Variants in XPO6 observed in about 807,000 individuals in gnomAD.
XPO6 encodes the protein exportin 6, also known as exportin-6.
A neutral mutation model predicts 130.0 loss-of-function variants in XPO6; 3 were observed. The ratio of observed to expected loss-of-function variants is 0.02; its 90% CI spans 0.01 to 0.06. The LOEUF (loss-of-function observed/expected upper bound fraction) is 0.06, where lower values mean the gene tolerates loss of function less well. XPO6 is among the 10% of genes least tolerant of loss of function. The pLI is 1.00. For missense variants in XPO6, 970 were observed against 1,393.0 expected, an observed-to-expected ratio of 0.70 and a Z score of 4.83; for synonymous variants, 524 against 548.9, an observed-to-expected ratio of 0.95 and a Z score of 0.63.
At chr16:28,177,850 G>T (rs866090117) in intron 2 of XPO6, among the ~76,000 whole-genome samples, 1 of 152,136 alleles carries the variant, frequency 6.6e-6, no homozygotes, top group African/African-American at 2.4e-5. Flanking sequence ...AATTCAAAAC[G>T]GCTAACTCTT....
chr16:28,194,006 G>A (rs933232870), intron 1 of XPO6, among the ~76,000 whole-genome samples: 1 of 152,050 alleles, frequency 6.6e-6, no homozygotes, highest in African/African-American at 2.4e-5. Context: ...AGGGCAGGTC[G>A]CATCTAATGA....
intron 1 of XPO6, among the ~76,000 whole-genome samples, chr16:28,203,791 T>C (rs969094306): frequency 2.9e-4 from 44 of 152,210 alleles, no homozygotes; most frequent in African/African-American, 1.1e-3. Context: ...TCTCAACCAC[T>C]AATTACACAT....
chr16:28,103,619 C>T (rs752730929), intron 21 of XPO6, among the ~76,000 whole-genome samples: 9 of 152,184 alleles, frequency 5.9e-5, no homozygotes, highest in Admixed American at 3.9e-4. Context: ...CAGGCACCAG[C>T]GTGCCAAAGA....
intron 6 of XPO6, among the ~76,000 whole-genome samples, chr16:28,159,390 G>A (rs532963518): frequency 3.3e-4 from 51 of 152,282 alleles, no homozygotes; most frequent in African/African-American, 1.2e-3. Context: ...AGGAAGCAGT[G>A]TAGGCAGAAA....
At chr16:28,181,315 A>C (rs2043610493) in intron 1 of XPO6, among the ~76,000 whole-genome samples, 1 of 152,244 alleles carries the variant, frequency 6.6e-6, no homozygotes, top group Non-Finnish European at 1.5e-5. Flanking sequence ...CAACTCTGGA[A>C]TAATGATTGA....
At chr16:28,107,799 T>A in intron 17 of XPO6, 122 bp from the exon 18 acceptor site, 2 of 1,070,698 alleles carry the variant, frequency 1.9e-6, no homozygotes, top group Non-Finnish European at 2.7e-6. Context: ...CGAGTCTCAC[T>A]AAAGGAACAG....
intron 6 of XPO6, among the ~76,000 whole-genome samples, chr16:28,161,808 A>G (rs2043283111): frequency 6.6e-6 from 1 of 152,196 alleles, no homozygotes; most frequent in African/African-American, 2.4e-5. Context: ...GTAGAAATGA[A>G]ACCAAACCAG....
intron 14 of XPO6, among the ~76,000 whole-genome samples, chr16:28,119,753 G>A (rs2087179268): frequency 6.6e-6 from 1 of 152,194 alleles, no homozygotes; most frequent in Non-Finnish European, 1.5e-5. Context: ...TAAATTATGT[G>A]AGGGTTGATA....
intron 13 of XPO6, among the ~76,000 whole-genome samples, chr16:28,125,043 G>A (rs1248945699): frequency 1.3e-5 from 2 of 152,210 alleles, no homozygotes; most frequent in Non-Finnish European, 2.9e-5. Context: ...AGGGACTGCT[G>A]ACTGAGTAGA....
Position 28,149,732 on chromosome 16 carries a change from A to T in XPO6, c.1224+2927T>A, listed in dbSNP as rs2043052991. Reference sequence around the variant, plus strand: ...ACTCTATGATGTACACACAACGATGACATCACCTAACACATTCATCAGAAC... The same window carrying T: ...ACTCTATGATGTACACACAACGATGTCATCACCTAACACATTCATCAGAAC... On this transcript the variant is annotated intron_variant, in intron 8 of 23. Coordinates refer to ENST00000304658, the MANE Select transcript of XPO6 (RefSeq NM_015171.4). 3.9e-5 allele frequency among the ~76,000 whole-genome samples: 6 copies of T among 152,222 alleles called. No homozygotes were observed. The South Asian group carries it at 1.2e-3, about 31-fold the overall frequency.
At chr16:28,150,944 C>T (rs568535284) in intron 8 of XPO6, among the ~76,000 whole-genome samples, 6 of 152,062 alleles carry the variant, frequency 3.9e-5, no homozygotes, top group Admixed American at 6.5e-5. Flanking sequence ...ATGCTCTGCA[C>T]GCACTTGCCC....
At chr16:28,192,778 C>T (rs1274482203) in intron 1 of XPO6, among the ~76,000 whole-genome samples, 2 of 152,132 alleles carry the variant, frequency 1.3e-5, no homozygotes, top group African/African-American at 2.4e-5. Context: ...GTCAAAACCC[C>T]CCTGAATGTA....
intron 1 of XPO6, among the ~76,000 whole-genome samples, chr16:28,203,258 G>A (rs1180340183): frequency 6.6e-6 from 1 of 150,490 alleles, no homozygotes; most frequent in African/African-American, 2.4e-5. Flanking sequence ...CCTGGGCGAC[G>A]GAGTAAGACC....
intron 20 of XPO6, among the ~76,000 whole-genome samples, chr16:28,105,199 T>C (rs2086747192): frequency 6.6e-6 from 1 of 152,216 alleles, no homozygotes; most frequent in African/African-American, 2.4e-5. Context: ...AAAGCGATTC[T>C]GCTCCCCAGA....
Position 28,132,521 on chromosome 16 carries a change from T to C in XPO6, c.1537-118A>G. On this transcript the variant is annotated intron_variant, in intron 11 of 23. Coordinates refer to ENST00000304658, the MANE Select transcript of XPO6 (RefSeq NM_015171.4). This position sits in a 1 kb window ranked among gnomAD's most constrained non-coding sequence, Gnocchi z 4.0. ...GGTGTGAGGAACAGGATCAAAACCT[T>C]TTCTCTGGGAACCTTTAAATGCAGC... 1.5e-6 allele frequency: 1 copy of C among 663,634 alleles called. No individual in the cohort carries two copies. Among genetic ancestry groups the C allele is most frequent in the Non-Finnish European group, 2.5e-6 (1 of 401,766 alleles). 41.1% of individuals were successfully genotyped at this position (663,634 alleles called of 1,614,324 possible). A position where few individuals can be genotyped will look rare whatever the true frequency, so the allele number is the denominator to read the frequency against.
In XPO6 at chr16:28,113,785, T is replaced by C. The variant is rs200832742; in HGVS notation, c.2005-735A>G. 5.4e-3 allele frequency among the ~76,000 whole-genome samples: 7 copies of C among 1,306 alleles called. No individual in the cohort carries two copies. The South Asian group carries it at 0.36, about 67-fold the overall frequency. 0.9% of individuals were successfully genotyped at this position (1,306 alleles called of 152,430 possible). A position where few individuals can be genotyped will look rare whatever the true frequency, so the allele number is the denominator to read the frequency against. On this transcript the variant is annotated intron_variant, in intron 15 of 23. Transcript: ENST00000304658. ...CATGAATGTGTGCATTTCAGAATTC[T>C]TTATAATTTTTTATTTTTTAAGGGA...
intron 8 of XPO6, among the ~76,000 whole-genome samples, chr16:28,148,643 T>C (rs1359516647): frequency 1.3e-5 from 2 of 152,178 alleles, no homozygotes; most frequent in African/African-American, 2.4e-5. Context: ...AACAAATATT[T>C]TGCATCTTCC....
intron 1 of XPO6, 78 bp downstream of exon 1, chr16:28,211,288 G>A (rs1458539390): frequency 6.2e-6 from 8 of 1,288,042 alleles, no homozygotes; most frequent in East Asian, 2.9e-5. Context: ...GAGCAGCGAT[G>A]GCTCAGCAGC....
At position 28,113,018 on chromosome 16, in the gene XPO6, G is replaced by C; in HGVS notation, c.2037C>G (p.His679Gln). 1 of 1,614,144 alleles carries C rather than the reference G, an allele frequency of 6.2e-7. No homozygotes were observed. The highest frequency in any genetic ancestry group is 8.5e-7 in the Non-Finnish European group (1 of 1,180,014). The change falls in exon 16 of 24, where the codon CAC (histidine) becomes CAG (glutamine). Residue 679 changes from histidine (H) to glutamine (Q), a missense_variant. This residue lies in a region of XPO6 where 936 missense variants were observed against 1,306.8 expected (regional missense o/e 0.72). Transcript: ENST00000304658. ...CGGTGGTGGCCAGTGAGACCAGTAA[G>C]TGGCACGCAGATAGCAGCAGCTTGT... ...VQDKLLLSAC[H>Q]LLVSLATTVR...
Sources: allele counts gnomAD v4.1 joint callset (sites outside exome capture counted in the v4.1 genomes callset), GRCh38; gene constraint gnomAD v4.1.1; regional missense constraint gnomAD v4.1.1; non-coding constraint Gnocchi (gnomAD v3.1); transcripts MANE v1.5; gene names NCBI Gene and HGNC (gene_info 2026-07-23, HGNC 2026-07-21).